Variants in CIMIP4 observed in about 807,000 individuals in gnomAD.
CIMIP4 encodes protein EAN57.
the CIMIP4 span, among the ~76,000 whole-genome samples, chr22:36,993,658 G>C: frequency 3.3e-5 from 5 of 152,136 alleles, no homozygotes; most frequent in South Asian, 1.0e-3. Context: ...GAACCCAGGA[G>C]GCGGAGCTTG....
chr22:37,000,409 A>G, the CIMIP4 span, among the ~76,000 whole-genome samples: 1 of 152,200 alleles, frequency 6.6e-6, no homozygotes, highest in Non-Finnish European at 1.5e-5. Flanking sequence ...CACACAGGGC[A>G]GCTCTGGGTG....
the CIMIP4 span, chr22:36,991,155 G>A: frequency 4.4e-6 from 7 of 1,605,302 alleles, no homozygotes; most frequent in Non-Finnish European, 6.0e-6. Flanking sequence ...TATTTGAGTA[G>A]AAGACACCTC....
chr22:36,996,811 A>G, the CIMIP4 span, among the ~76,000 whole-genome samples: 1 of 152,238 alleles, frequency 6.6e-6, no homozygotes, highest in Non-Finnish European at 1.5e-5. Flanking sequence ...TTGGTGATTA[A>G]AAATGTAATA....
the CIMIP4 span, chr22:37,002,377 AG>A: frequency 3.1e-5 from 3 of 96,052 alleles, no homozygotes; most frequent in African/African-American, 7.8e-5. Context: ...GAGGGTGGGG[AG>A]GGGGCAGAGA....
chr22:36,996,556 T>C, the CIMIP4 span, among the ~76,000 whole-genome samples: 2 of 151,830 alleles, frequency 1.3e-5, no homozygotes, highest in Admixed American at 6.6e-5. Context: ...TTAATGGAGG[T>C]ATATACCATA....
chr22:37,001,558 T>G, the CIMIP4 span, among the ~76,000 whole-genome samples: 273 of 152,198 alleles, frequency 1.8e-3, 1 homozygote, highest in African/African-American at 6.2e-3. Context: ...TCTCGCACAG[T>G]TAGGTGAATT....
At chr22:36,998,794 C>T in the CIMIP4 span, among the ~76,000 whole-genome samples, 1 of 152,168 alleles carries the variant, frequency 6.6e-6, no homozygotes. Flanking sequence ...CCAACCCACC[C>T]TTCCTTTCTT....
At chr22:36,991,613 C>T in the CIMIP4 span, 5 of 1,604,930 alleles carry the variant, frequency 3.1e-6, no homozygotes, top group African/African-American at 5.4e-5. Context: ...CATGAAGAAA[C>T]CCCAAGTGCC....
the CIMIP4 span, chr22:37,004,104 C>G: frequency 1.3e-5 from 17 of 1,341,186 alleles, no homozygotes; most frequent in Admixed American, 6.8e-5. Flanking sequence ...GGGAGCTGAA[C>G]AGGAAGGCCT....
the CIMIP4 span, chr22:37,002,312 G>A: frequency 8.3e-7 from 1 of 1,211,510 alleles, no homozygotes; most frequent in Non-Finnish European, 1.0e-6. Context: ...ACCTGAGCAG[G>A]ACAAAGAGAA....
the CIMIP4 span, chr22:37,001,796 T>C: frequency 2.0e-5 from 29 of 1,481,498 alleles, no homozygotes; most frequent in Non-Finnish European, 2.3e-5. Flanking sequence ...ATGTCCTCAT[T>C]ATAAGACTCT....
the CIMIP4 span, among the ~76,000 whole-genome samples, chr22:36,999,590 T>TGGGGGGG: frequency 4.4e-4 from 3 of 6,808 alleles, no homozygotes; most frequent in Admixed American, 1.5e-3. Context: ...GAGGGGGGGA[T>TGGGGGGG]GGGAGGGGAG....
At chr22:36,991,274 G>T in the CIMIP4 span, 2 of 1,613,898 alleles carry the variant, frequency 1.2e-6, no homozygotes, top group East Asian at 2.2e-5. Flanking sequence ...TGGTGCCACC[G>T]CCCTACAGCG....
the CIMIP4 span, chr22:36,991,739 G>T: frequency 5.9e-6 from 4 of 675,312 alleles, no homozygotes; most frequent in East Asian, 1.1e-4. Context: ...AGTCGTTTGG[G>T]TTCAAACCCA....
the CIMIP4 span, among the ~76,000 whole-genome samples, chr22:36,996,865 GT>G: frequency 6.6e-6 from 1 of 152,224 alleles, no homozygotes; most frequent in Non-Finnish European, 1.5e-5. Context: ...ATCTATGCAT[GT>G]GTCAAAACCT....
At chr22:37,001,296 C>T in the CIMIP4 span, among the ~76,000 whole-genome samples, 17 of 151,706 alleles carry the variant, frequency 1.1e-4, no homozygotes, top group Admixed American at 2.0e-4. Context: ...GCAACTGCCT[C>T]GCTTTACAGA....
the CIMIP4 span, chr22:37,002,354 A>C: frequency 5.4e-6 from 3 of 553,446 alleles, no homozygotes; most frequent in African/African-American, 7.5e-5. Context: ...CACGCAGACA[A>C]GGGCAGAAAG....
chr22:37,004,041 C>A, the CIMIP4 span: 2 of 1,538,690 alleles, frequency 1.3e-6, no homozygotes, highest in Non-Finnish European at 1.8e-6. Context: ...AACAAAGCAC[C>A]ACGTTTCATC....
At chr22:37,001,783 C>T in the CIMIP4 span, 3 of 1,454,148 alleles carry the variant, frequency 2.1e-6, no homozygotes, top group Admixed American at 2.6e-5. Context: ...GTGAGTTTAT[C>T]TTATGTCCTC....
Sources: gnomAD v4.1 joint callset for allele counts (sites outside exome capture counted in the v4.1 genomes callset) on GRCh38, gnomAD v4.1.1 for gene constraint, MANE v1.5 for transcripts, NCBI Gene and HGNC (gene_info 2026-07-23, HGNC 2026-07-21) for gene names.